RBFOX1: variants seen among roughly 807,000 people sequenced by gnomAD.
The protein encoded by RBFOX1 is RNA binding fox-1 homolog 1.
RBFOX1 carries 8 observed loss-of-function variants against 57.7 expected under a neutral mutation model. The observed-to-expected ratio is 0.14, with a 90% confidence interval of 0.08 to 0.25. RBFOX1 has a LOEUF of 0.25. Among genes scored for constraint, RBFOX1 ranks in the 10% least tolerant of loss-of-function variants. The pLI is 1.00. For synonymous variants in RBFOX1, 326 were observed against 222.4 expected (o/e 1.47, Z -4.15); for missense variants, 611 against 548.5 (o/e 1.11, Z -1.14).
intron 4 of RBFOX1, among the ~76,000 whole-genome samples, chr16:7,452,153 G>T (rs1199433887): frequency 1.3e-5 from 2 of 152,242 alleles, no homozygotes; most frequent in Non-Finnish European, 2.9e-5. Flanking sequence ...TTATGATCCA[G>T]CCAAGTTACA....
rs1597965731 is a variant in RBFOX1 at position 6,165,197 on chromosome 16, A to C, written c.-127+145205A>C. 1.3e-5 allele frequency among the ~76,000 whole-genome samples: 2 copies of C among 152,336 alleles called. 1 individual carries two copies. Among genetic ancestry groups the C allele is most frequent in the Middle Eastern group, 6.8e-3 (2 of 294 alleles). On this transcript the variant is annotated intron_variant, in intron 1 of 15. Transcript: ENST00000550418. ...TACCCACCTGACAAGATTACCCTGT[A>C]GACGGAACAAGATAATGTAAAATGA...
chr16:5,865,250 G>T (rs139099300), intron 3 of RBFOX1, among the ~76,000 whole-genome samples: 2 of 152,102 alleles, frequency 1.3e-5, no homozygotes, highest in East Asian at 3.9e-4. Context: ...ACACATTCAC[G>T]TGAGATAATG....
chr16:7,128,467 G>C (rs76152629), intron 4 of RBFOX1, among the ~76,000 whole-genome samples: 2 of 152,198 alleles, frequency 1.3e-5, no homozygotes, highest in Non-Finnish European at 2.9e-5. Flanking sequence ...TGACATCAGC[G>C]GGGATAGTTC....
chr16:5,557,910 C>G (rs184441825), intron 2 of RBFOX1, among the ~76,000 whole-genome samples: 2 of 152,298 alleles, frequency 1.3e-5, no homozygotes, highest in South Asian at 2.1e-4. Context: ...AGGTCAGAAC[C>G]AGAACAATGA....
At chr16:5,524,889 C>G (rs527299310) in intron 2 of RBFOX1, among the ~76,000 whole-genome samples, 7 of 152,062 alleles carry the variant, frequency 4.6e-5, no homozygotes, top group Non-Finnish European at 8.8e-5. Context: ...CTCAGGGGAG[C>G]CTTCTCTAAC....
At chr16:5,840,461 C>G (rs2056591714) in intron 3 of RBFOX1, among the ~76,000 whole-genome samples, 1 of 151,822 alleles carries the variant, frequency 6.6e-6, no homozygotes, top group Non-Finnish European at 1.5e-5. Context: ...TCATTTTGTG[C>G]TGATAGGCCT....
intron 1 of RBFOX1, among the ~76,000 whole-genome samples, chr16:6,265,649 G>A (rs958159713): frequency 6.6e-6 from 1 of 152,180 alleles, no homozygotes; most frequent in African/African-American, 2.4e-5. Flanking sequence ...AGCCCTTCTT[G>A]TGCAGGATAT....
chr16:6,781,559 C>A (rs1282009853), intron 3 of RBFOX1, among the ~76,000 whole-genome samples: 3 of 151,970 alleles, frequency 2.0e-5, no homozygotes, highest in Admixed American at 6.6e-5. Context: ...CAAGTCCTGG[C>A]CTTTTCTCTG....
At chr16:7,285,317 A>C (rs948928127) in intron 4 of RBFOX1, among the ~76,000 whole-genome samples, 4 of 151,864 alleles carry the variant, frequency 2.6e-5, no homozygotes, top group African/African-American at 9.7e-5. Flanking sequence ...CACATCTAGG[A>C]TATTGATGTT....
chr16:7,706,432 C>G (rs1441755962), intron 14 of RBFOX1, among the ~76,000 whole-genome samples: 2 of 152,162 alleles, frequency 1.3e-5, no homozygotes, highest in Non-Finnish European at 2.9e-5. Flanking sequence ...AAGGTTGAAA[C>G]TATGCCCAGC....
intron 2 of RBFOX1, among the ~76,000 whole-genome samples, chr16:6,461,960 T>C (rs1266961548): frequency 6.6e-6 from 1 of 152,236 alleles, no homozygotes; most frequent in African/African-American, 2.4e-5. Flanking sequence ...GCCAGGGGCT[T>C]GTATGTTGAA....
At chr16:6,977,643 A>G (rs1316764024) in intron 3 of RBFOX1, among the ~76,000 whole-genome samples, 1 of 152,144 alleles carries the variant, frequency 6.6e-6, no homozygotes, top group African/African-American at 2.4e-5. Context: ...CCGGCTGGTC[A>G]TCTCTTTAGC....
chr16:6,974,098 G>T (rs1159422717), intron 3 of RBFOX1, among the ~76,000 whole-genome samples: 12 of 152,098 alleles, frequency 7.9e-5, no homozygotes, highest in Non-Finnish European at 1.5e-4. Context: ...CCCTGCAAAG[G>T]ACATGATCTC....
chr16:6,460,922 C>G lies in RBFOX1; in HGVS notation c.-64+143865C>G, dbSNP rs570763037. Among the ~76,000 whole-genome samples the G allele has an allele frequency of 2.0e-5, 3 of 151,692 alleles. No individual in the cohort carries two copies. In the East Asian group the frequency reaches 5.8e-4, roughly 29 times the overall value. ...ATGTACACCATGGAATACTATGCAG[C>G]CATAAAAAGGACTGAGATCATGTCC... On this transcript the variant is annotated intron_variant, in intron 2 of 15. Coordinates refer to ENST00000550418, the MANE Select transcript of RBFOX1 (RefSeq NM_018723.4).
chr16:6,719,605 T>A (rs894452042), intron 3 of RBFOX1, among the ~76,000 whole-genome samples: 1 of 151,504 alleles, frequency 6.6e-6, no homozygotes, highest in South Asian at 2.1e-4. Context: ...CACGCCCGGC[T>A]AATTTTTTTT....
intron 2 of RBFOX1, among the ~76,000 whole-genome samples, chr16:6,404,508 C>G (rs1223143630): frequency 6.6e-6 from 1 of 152,172 alleles, no homozygotes; most frequent in Non-Finnish European, 1.5e-5. Flanking sequence ...TAGTTGTATA[C>G]TACAAATGGA....
At chr16:7,357,895 T>G (rs2097249186) in intron 4 of RBFOX1, among the ~76,000 whole-genome samples, 1 of 152,224 alleles carries the variant, frequency 6.6e-6, no homozygotes, top group African/African-American at 2.4e-5. Flanking sequence ...GGTTCCTCTT[T>G]AATTTTTTTC....
At chr16:5,587,677 T>C (rs2046877468) in intron 2 of RBFOX1, among the ~76,000 whole-genome samples, 1 of 152,052 alleles carries the variant, frequency 6.6e-6, no homozygotes, top group Non-Finnish European at 1.5e-5. Context: ...CGCGGCACTG[T>C]ACTCCAGCCT....
At chr16:6,293,947 A>C (rs2077772576) in intron 1 of RBFOX1, among the ~76,000 whole-genome samples, 1 of 146,968 alleles carries the variant, frequency 6.8e-6, no homozygotes, top group East Asian at 1.9e-4. Context: ...GTAAGAGTAA[A>C]GGAAAAACAT....
Sources: gnomAD v4.1 joint callset for allele counts (sites outside exome capture counted in the v4.1 genomes callset) on GRCh38, gnomAD v4.1.1 for gene constraint, MANE v1.5 for transcripts, NCBI Gene and HGNC (gene_info 2026-07-23, HGNC 2026-07-21) for gene names.